SALL2: variants seen among roughly 807,000 people sequenced by gnomAD.
The protein encoded by SALL2 is sal-like protein 2.
SALL2 carries 32 observed loss-of-function variants against 58.5 expected under a neutral mutation model. The observed-to-expected ratio is 0.55, with a 90% CI of 0.41 to 0.74. The LOEUF (loss-of-function observed/expected upper bound fraction) is 0.74. SALL2 is among the 30% of genes least tolerant of loss of function. SALL2 has a pLI of 0.00. For synonymous variants in SALL2, 516 were observed against 513.6 expected (o/e 1.00, Z -0.06); for missense variants, 1,201 against 1,268.9 (o/e 0.95, Z 0.81).
chr14:21,525,101 C>T lies in SALL2; in HGVS notation c.621G>A (p.Leu207=), dbSNP rs1343979966. The part of the protein sequence containing the change: ...MTEQICRQVL[L]LGSLGQTVGA... ...CCACCGTCTGGCCTAAGGAGCCAAG[C>T]AACAGCACCTGCCTGCAGATTTGCT... is the stretch of plus-strand genomic sequence containing the variant. The change falls in exon 2 of 2, where the codon TTG becomes TTA. Residue 207 remains leucine, a synonymous_variant. Transcript: ENST00000537235. This position sits in a 1 kb window ranked among gnomAD's most constrained non-coding sequence, Gnocchi z 4.4. 2 of 1,614,138 alleles carry T rather than the reference C, an allele frequency of 1.2e-6. No homozygotes were observed. The highest frequency in any genetic ancestry group is 1.1e-5 in the South Asian group (1 of 91,088).
intron 1 of SALL2, among the ~76,000 whole-genome samples, chr14:21,535,505 ACTTATTTATG>A (rs1279447339): frequency 7.2e-5 from 11 of 152,190 alleles, no homozygotes; most frequent in African/African-American, 2.4e-4. Context: ...CATATTAAGC[ACTTATTTATG>A]CTAGGTATTT....
At position 21,522,567 on chromosome 14, in the gene SALL2, C is replaced by T. The variant is rs2139664163; in HGVS notation, c.*137G>A. The T allele has an allele frequency of 1.4e-6, 2 of 1,403,878 alleles. No homozygotes were observed. Among genetic ancestry groups the T allele is most frequent in the Non-Finnish European group, 1.8e-6 (2 of 1,081,760 alleles). The allele number at this position is 1,403,878 out of a possible 1,614,324, so 87.0% of individuals were successfully genotyped here. ...CAGTAATTTCCAAGCTCAGGGACTA[C>T]AGAAAAGCCACTAGGGACATAACAT... On this transcript the variant is annotated 3_prime_UTR_variant, in exon 2 of 2. Coordinates refer to ENST00000537235, the MANE Select transcript of SALL2 (RefSeq NM_001364564.1).
At chr14:21,533,885 A>G (rs1438368178) in intron 1 of SALL2, among the ~76,000 whole-genome samples, 1 of 152,202 alleles carries the variant, frequency 6.6e-6, no homozygotes, top group African/African-American at 2.4e-5. Flanking sequence ...ACCCTAGACT[A>G]CTGACTAAAT....
At chr14:21,532,997 T>A (rs978525385) in intron 1 of SALL2, among the ~76,000 whole-genome samples, 2 of 151,308 alleles carry the variant, frequency 1.3e-5, no homozygotes, top group African/African-American at 2.4e-5. Flanking sequence ...ATAAATAAAA[T>A]AATAATAATA....
Position 21,524,027 on chromosome 14 carries a change from G to C in SALL2, c.1695C>G (p.Phe565Leu), listed in dbSNP as rs747220839. The C allele has an allele frequency of 6.2e-7, 1 of 1,614,148 alleles. No homozygotes were observed. The highest frequency in any genetic ancestry group is 1.3e-5 in the African/African-American group (1 of 74,950). Residue 565 changes from phenylalanine (F) to leucine (L), a missense_variant, in exon 2 of 2, where the codon TTC becomes TTG. Physicochemically the swap from Phe to Leu is conservative, Grantham distance 22. Around this residue, in one of 3 missense-constraint regions of SALL2, gnomAD observed 675 missense variants for 683.8 expected, o/e 0.99. Transcript: ENST00000537235. ...GGAAGGGGAAGCTGCCAGTGGACTT[G>C]AAGTGGTTGGTAAGCAGTGCCCAGC... ...LPSWALLTNH[F>L]KSTGSFPFPY...
Position 21,521,984 on chromosome 14 carries a change from G to T in SALL2, c.*720C>A. The T allele has an allele frequency of 6.5e-7, 1 of 1,539,522 alleles. No homozygotes were observed. Among genetic ancestry groups the T allele is most frequent in the South Asian group, 1.2e-5 (1 of 84,832 alleles). On this transcript the variant is annotated 3_prime_UTR_variant, in exon 2 of 2. Coordinates refer to ENST00000537235, the MANE Select transcript of SALL2 (RefSeq NM_001364564.1). ...GTACCGGCACCTTCTGGAGCAGGGG[G>T]AGGAAGAAGGAATGTACAGTTTGCT...
In SALL2 at chr14:21,524,336, C is replaced by T. The variant is rs967564588; in HGVS notation, c.1386G>A (p.Glu462=). Residue 462 remains glutamate (E), a synonymous_variant, in exon 2 of 2, where the codon GAG becomes GAA. Coordinates refer to ENST00000537235, the MANE Select transcript of SALL2 (RefSeq NM_001364564.1). Reference sequence around the variant, plus strand: ...CAACCCCTCCACCTGGAGTGGCTGCCTCCTCCTCGGCCTTCTCTGGTGGCA... The same window carrying T: ...CAACCCCTCCACCTGGAGTGGCTGCTTCCTCCTCGGCCTTCTCTGGTGGCA... ...MSVPPEKAEE[E]AATPGGGVER... is the part of the protein sequence containing the mutation. The T allele has an allele frequency of 6.2e-7, 1 of 1,613,842 alleles. No individual in the cohort carries two copies. The highest frequency in any genetic ancestry group is 8.5e-7 in the Non-Finnish European group (1 of 1,179,926).
upstream of SALL2, among the ~76,000 whole-genome samples, chr14:21,530,940 G>A (rs1029013458): frequency 1.3e-5 from 2 of 152,202 alleles, no homozygotes; most frequent in Non-Finnish European, 2.9e-5. Flanking sequence ...ACTGAACAAT[G>A]CTAATTGGTA....
intron 1 of SALL2, among the ~76,000 whole-genome samples, chr14:21,532,410 T>G: frequency 6.6e-6 from 1 of 152,222 alleles, no homozygotes; most frequent in East Asian, 1.9e-4. Context: ...ACATAGTGAA[T>G]GTACTTAATG....
In SALL2 at chr14:21,522,042, G is replaced by A. The variant is rs1428737289; in HGVS notation, c.*662C>T. 6.3e-7 allele frequency: 1 copy of A among 1,596,108 alleles called. No homozygotes were observed. Among genetic ancestry groups the A allele is most frequent in the East Asian group, 2.2e-5 (1 of 44,856 alleles). ...GTCTATGATGGGCTTCTCAGGCACT[G>A]CCTTGGGTGCAGGAGGCTGAAATAG... is the stretch of plus-strand genomic sequence containing the variant. On this transcript the variant is annotated 3_prime_UTR_variant, in exon 2 of 2. Coordinates refer to ENST00000537235, the MANE Select transcript of SALL2 (RefSeq NM_001364564.1).
Position 21,523,614 on chromosome 14 carries a change from G to A in SALL2, c.2108C>T (p.Thr703Ile), listed in dbSNP as rs201475985. 9.5e-5 allele frequency: 154 copies of A among 1,614,256 alleles called. No homozygotes were observed. In the East Asian group the frequency reaches 1.6e-3, roughly 17 times the overall value. The change falls in exon 2 of 2, where the codon ACT becomes ATT. Residue 703 changes from threonine to isoleucine, a missense_variant. Coordinates refer to ENST00000537235, the MANE Select transcript of SALL2 (RefSeq NM_001364564.1). The surrounding 1 kb of genome is among the most constrained non-coding windows in gnomAD (Gnocchi z 4.4). ...ICQKKFTNAV[T>I]LQQHVRMHLG... ...GTGCATCCGGACATGCTGCTGCAGA[G>A]TGACAGCATTGGTGAACTTCTTCTG...
At chr14:21,526,510 C>A (rs554107846), upstream of SALL2, 17 of 1,174,062 alleles carry the variant, frequency 1.4e-5, no homozygotes, top group Non-Finnish European at 1.8e-5. Context: ...TGAAGCACTG[C>A]GGGGGTCCAC....
chr14:21,522,455 G>A lies in SALL2; in HGVS notation c.*249C>T. 7.1e-7 allele frequency: 1 copy of A among 1,403,270 alleles called. No homozygotes were observed. The highest frequency in any genetic ancestry group is 9.2e-7 in the Non-Finnish European group (1 of 1,082,490). The allele number at this position is 1,403,270 out of a possible 1,614,324, so 86.9% of individuals were successfully genotyped here. On this transcript the variant is annotated 3_prime_UTR_variant, in exon 2 of 2. Coordinates refer to ENST00000537235, the MANE Select transcript of SALL2 (RefSeq NM_001364564.1). ...AGGGAAGCTGGAGAGGGTTCCCCTT[G>A]AGAAAGCTGCAGAGAATCTATGTTC...
At chr14:21,535,673 G>T (rs968256315) in intron 1 of SALL2, among the ~76,000 whole-genome samples, 2 of 152,202 alleles carry the variant, frequency 1.3e-5, no homozygotes, top group Non-Finnish European at 2.9e-5. Flanking sequence ...CTAACCAAGT[G>T]GTGGAGCTGG....
Position 21,522,243 on chromosome 14 carries a change from T to C in SALL2, c.*461A>G, listed in dbSNP as rs1274904220. Reference sequence around the variant, plus strand: ...ATTTGACAGGAATGCCACATACTGGTTCTAGAAAGATAGGGGACCCATACC... The same window carrying C: ...ATTTGACAGGAATGCCACATACTGGCTCTAGAAAGATAGGGGACCCATACC... On this transcript the variant is annotated 3_prime_UTR_variant, in exon 2 of 2. Coordinates refer to ENST00000537235, the MANE Select transcript of SALL2 (RefSeq NM_001364564.1). The C allele has an allele frequency of 1.3e-6, 2 of 1,590,370 alleles. No individual in the cohort carries two copies. Among genetic ancestry groups the C allele is most frequent in the Non-Finnish European group, 1.7e-6 (2 of 1,176,050 alleles).
Position 21,524,227 on chromosome 14 carries a change from T to C in SALL2, c.1495A>G (p.Thr499Ala). ...TLLSTSAGTA[T>A]APGLPAFNKF... Reference sequence around the variant, plus strand: ...TTGAAAGCAGGGAGTCCTGGAGCCGTGGCTGTGCCTGCACTGGTGGAGAGC... The same window carrying C: ...TTGAAAGCAGGGAGTCCTGGAGCCGCGGCTGTGCCTGCACTGGTGGAGAGC... Residue 499 changes from threonine to alanine, a missense_variant, in exon 2 of 2, where the codon ACG becomes GCG. Thr to Ala is a moderately conservative substitution (Grantham distance 58). Transcript: ENST00000537235. The C allele has an allele frequency of 6.2e-7, 1 of 1,612,860 alleles. No individual in the cohort carries two copies. The highest frequency in any genetic ancestry group is 1.1e-5 in the South Asian group (1 of 90,910).
upstream of SALL2, chr14:21,526,401 C>A: frequency 9.6e-7 from 1 of 1,036,894 alleles, no homozygotes. Flanking sequence ...GGGAGGGAGG[C>A]GGGAGCTAGA....
At position 21,535,399 on chromosome 14, in the gene SALL2, T is replaced by C. The variant is rs78589527; in HGVS notation, c.-114+1563A>G. Among the ~76,000 whole-genome samples, 937 of 151,710 alleles carry C rather than the reference T, an allele frequency of 6.2e-3. 11 individuals are homozygous for C. Among genetic ancestry groups the C allele is most frequent in the African/African-American group, 0.021 (884 of 41,424 alleles). On this transcript the variant is annotated intron_variant, in intron 1 of 1. Coordinates refer to the SALL2 transcript ENST00000541965. ...AAAGAAAAGAAAAAAAAAGAAATGC[T>C]GACGTTTGCCAAGAGGTTCCTGAGT...
intron 1 of SALL2, among the ~76,000 whole-genome samples, chr14:21,536,501 A>G (rs911009891): frequency 1.3e-5 from 2 of 152,218 alleles, no homozygotes; most frequent in African/African-American, 4.8e-5. Context: ...CACCCCGAAG[A>G]GACGGTCTTC....
Sources: gnomAD v4.1 joint callset for allele counts (sites outside exome capture counted in the v4.1 genomes callset) on GRCh38, gnomAD v4.1.1 for gene constraint, gnomAD v4.1.1 regional missense constraint, Gnocchi (gnomAD v3.1) non-coding constraint, MANE v1.5 for transcripts, NCBI Gene and HGNC (gene_info 2026-07-23, HGNC 2026-07-21) for gene names.